CNTNAP3B: variants seen among roughly 807,000 people sequenced by gnomAD.
The protein encoded by CNTNAP3B is contactin-associated protein-like 3B.
A neutral mutation model predicts 108.9 loss-of-function variants in CNTNAP3B; 25 were observed. That is an observed-to-expected ratio of 0.23 (90% CI 0.17 to 0.32). The LOEUF (loss-of-function observed/expected upper bound fraction) is 0.32. Among genes scored for constraint, CNTNAP3B ranks in the 10% least tolerant of loss-of-function variants. The pLI is 1.00. For missense variants in CNTNAP3B, 252 were observed against 1,210.4 expected, an observed-to-expected ratio of 0.21 and a Z score of 11.75; for synonymous variants, 103 against 473.4, an observed-to-expected ratio of 0.22 and a Z score of 10.16.
chr9:42,019,559 C>A, intron 3 of CNTNAP3B, among the ~76,000 whole-genome samples: 1 of 78,282 alleles, frequency 1.3e-5, no homozygotes, highest in Admixed American at 1.4e-4. Context: ...TGAGACCAGC[C>A]TGACCAATAT....
intron 1 of CNTNAP3B, among the ~76,000 whole-genome samples, chr9:42,112,720 C>T (rs1172628627): frequency 1.5e-5 from 2 of 137,110 alleles, no homozygotes; most frequent in Non-Finnish European, 3.1e-5. Flanking sequence ...TACCTCCTGA[C>T]ATTGGTGTTT....
intron 3 of CNTNAP3B, among the ~76,000 whole-genome samples, chr9:42,036,183 G>A (rs540530866): frequency 7.9e-4 from 117 of 148,330 alleles, no homozygotes; most frequent in Middle Eastern, 6.8e-3. Flanking sequence ...GGGACTACAG[G>A]CATGAGCAAT....
chr9:42,078,365 G>T lies in CNTNAP3B; in HGVS notation c.197-1303C>A, dbSNP rs1209245301. On this transcript the variant is annotated intron_variant, in intron 2 of 23. Transcript: ENST00000377561. ...TTCCCAAGTTTACAGATTCTTAGAA[G>T]TCAGATTCTAAGATATTTTTGTAGT... 6.7e-5 allele frequency among the ~76,000 whole-genome samples: 9 copies of T among 134,154 alleles called. 1 individual carries two copies. The highest frequency in any genetic ancestry group is 5.2e-4 in the Admixed American group (7 of 13,402). The allele number at this position is 134,154 out of a possible 152,430, so 88.0% of individuals were successfully genotyped here. A position where few individuals can be genotyped will look rare whatever the true frequency, so the allele number is the denominator to read the frequency against.
At chr9:41,916,339 A>T (rs895151912) in intron 18 of CNTNAP3B, among the ~76,000 whole-genome samples, 2 of 146,706 alleles carry the variant, frequency 1.4e-5, no homozygotes, top group Admixed American at 1.4e-4. Context: ...TGCTTTTTAA[A>T]ATAGTTAAGC....
rs573612707 is a variant in CNTNAP3B at position 41,962,526 on chromosome 9, C to T, written c.1757-1634G>A. On this transcript the variant is annotated intron_variant, in intron 11 of 23. Transcript: ENST00000377561. ...TTTCCAGGTAACACACAAGAATAGG[C>T]TTCTGCTTTTAGGTAAGATACTATG... is the stretch of plus-strand genomic sequence containing the variant. 3.4e-5 allele frequency among the ~76,000 whole-genome samples: 5 copies of T among 145,820 alleles called. No individual in the cohort carries two copies. The South Asian group carries it at 1.1e-3, about 32-fold the overall frequency.
chr9:41,927,414 G>T (rs1392202925), intron 15 of CNTNAP3B, among the ~76,000 whole-genome samples: 3 of 146,176 alleles, frequency 2.1e-5, no homozygotes, highest in East Asian at 2.0e-4. Flanking sequence ...AGGAAAGAAA[G>T]AAAGAAAAAG....
intron 13 of CNTNAP3B, among the ~76,000 whole-genome samples, chr9:41,939,520 A>T (rs1397661021): frequency 6.6e-6 from 1 of 152,296 alleles, no homozygotes; most frequent in Non-Finnish European, 1.5e-5. Flanking sequence ...AACAACGAAA[A>T]AAAGGCAATC....
At chr9:42,035,244 C>G (rs62554964) in intron 3 of CNTNAP3B, among the ~76,000 whole-genome samples, 1 of 138,614 alleles carries the variant, frequency 7.2e-6, no homozygotes, top group African/African-American at 2.8e-5. Context: ...CACAGTAATC[C>G]CATAAGGCAG....
chr9:42,098,615 A>T (rs866007277), intron 2 of CNTNAP3B, among the ~76,000 whole-genome samples: 2 of 90,678 alleles, frequency 2.2e-5, no homozygotes, highest in African/African-American at 4.2e-5. Flanking sequence ...GCAAAAAAAA[A>T]CAGATAACTA....
At chr9:41,932,329 T>A (rs1231372453) in intron 14 of CNTNAP3B, among the ~76,000 whole-genome samples, 1 of 152,016 alleles carries the variant, frequency 6.6e-6, no homozygotes, top group African/African-American at 2.4e-5. Flanking sequence ...TTTATTAAAA[T>A]TTTTATTTAT....
At chr9:41,925,992 C>G (rs1823808319) in intron 15 of CNTNAP3B, among the ~76,000 whole-genome samples, 1 of 152,290 alleles carries the variant, frequency 6.6e-6, no homozygotes, top group African/African-American at 2.4e-5. Context: ...CAGTAGTCAG[C>G]TAGGAAATAT....
At chr9:41,925,759 C>T (rs1588043242) in intron 15 of CNTNAP3B, among the ~76,000 whole-genome samples, 2 of 152,418 alleles carry the variant, frequency 1.3e-5, no homozygotes, top group East Asian at 3.9e-4. Flanking sequence ...TCAAATGTGG[C>T]AGCTCCTTTA....
intron 3 of CNTNAP3B, among the ~76,000 whole-genome samples, chr9:42,072,905 C>G (rs1255840489): frequency 7.5e-6 from 1 of 133,350 alleles, no homozygotes; most frequent in Non-Finnish European, 1.6e-5. Flanking sequence ...ATATGAGTGA[C>G]TAGGTGGTAA....
chr9:42,113,793 T>C (rs1208443961), intron 1 of CNTNAP3B, among the ~76,000 whole-genome samples: 2 of 138,712 alleles, frequency 1.4e-5, no homozygotes, highest in African/African-American at 5.7e-5. Context: ...ACTTAAAGAG[T>C]GTAATTGGAT....
chr9:41,924,342 C>T (rs1823749313), intron 15 of CNTNAP3B, among the ~76,000 whole-genome samples: 1 of 152,306 alleles, frequency 6.6e-6, no homozygotes, highest in South Asian at 2.1e-4. Context: ...TGAGACCAGT[C>T]AGGGGATCGC....
intron 15 of CNTNAP3B, among the ~76,000 whole-genome samples, chr9:41,927,441 GAGAA>G (rs1298647679): frequency 1.3e-5 from 2 of 149,440 alleles, no homozygotes; most frequent in African/African-American, 2.5e-5. Context: ...AAGAAAGAGA[GAGAA>G]AGAAAGAAGA....
chr9:42,042,121 T>C (rs1826773960), intron 3 of CNTNAP3B, among the ~76,000 whole-genome samples: 2 of 142,126 alleles, frequency 1.4e-5, no homozygotes, highest in South Asian at 4.5e-4. Flanking sequence ...TTAGGAGATA[T>C]ACCTGATGTA....
chr9:41,986,711 A>G (rs1825711396), intron 8 of CNTNAP3B, among the ~76,000 whole-genome samples: 1 of 150,500 alleles, frequency 6.6e-6, no homozygotes, highest in Non-Finnish European at 1.5e-5. Flanking sequence ...TGAGTTGATA[A>G]AAAATATGTC....
intron 3 of CNTNAP3B, among the ~76,000 whole-genome samples, chr9:42,070,460 G>T (rs1477214752): frequency 6.8e-6 from 1 of 147,034 alleles, no homozygotes; most frequent in Non-Finnish European, 1.5e-5. Context: ...CCTGGCAGCA[G>T]GGCTGACGTG....
Sources: allele counts gnomAD v4.1 joint callset (sites outside exome capture counted in the v4.1 genomes callset), GRCh38; gene constraint gnomAD v4.1.1; transcripts MANE v1.5; gene names NCBI Gene and HGNC (gene_info 2026-07-23, HGNC 2026-07-21).